Variants in GBE1 observed in about 807,000 individuals in gnomAD.
The protein encoded by GBE1 is 1,4-alpha-glucan-branching enzyme.
In GBE1, 70 loss-of-function variants were observed where a neutral mutation model predicts 88.8. That is an observed-to-expected ratio of 0.79 (90% confidence interval 0.65 to 0.96). The LOEUF is 0.96. Among genes scored for constraint, GBE1 ranks in the 40% least tolerant of loss-of-function variants. The pLI, the probability that GBE1 is intolerant of heterozygous loss-of-function variation, is 0.00. For missense variants in GBE1, 872 were observed against 871.0 expected (o/e 1.00, Z -0.01); for synonymous variants, 284 against 300.1 (o/e 0.95, Z 0.56).
intron 7 of GBE1, among the ~76,000 whole-genome samples, chr3:81,601,933 A>T (rs948189312): frequency 6.6e-6 from 1 of 152,236 alleles, no homozygotes; most frequent in Non-Finnish European, 1.5e-5. Flanking sequence ...ATGAACAGCA[A>T]ATACAAAGTA....
intron 3 of GBE1, among the ~76,000 whole-genome samples, chr3:81,656,205 C>A (rs1314831743): frequency 6.6e-6 from 1 of 152,100 alleles, no homozygotes; most frequent in African/African-American, 2.4e-5. Context: ...AAAAGAAGGT[C>A]TTTGCAGATG....
chr3:81,653,573 G>A (rs1440361512), intron 3 of GBE1, among the ~76,000 whole-genome samples: 1 of 152,022 alleles, frequency 6.6e-6, no homozygotes, highest in Non-Finnish European at 1.5e-5. Context: ...AAACAATCAA[G>A]ATATGTGCTC....
chr3:81,610,773 G>A (rs999562267), intron 7 of GBE1, among the ~76,000 whole-genome samples: 4 of 152,088 alleles, frequency 2.6e-5, no homozygotes, highest in Admixed American at 2.6e-4. Flanking sequence ...GGTCAGAGGT[G>A]ACCAGGGTGC....
chr3:81,572,432 T>C (rs1236485669), intron 12 of GBE1, among the ~76,000 whole-genome samples: 1 of 152,196 alleles, frequency 6.6e-6, no homozygotes, highest in African/African-American at 2.4e-5. Context: ...TTTCACAAAA[T>C]ACCATTTGTG....
At chr3:81,541,424 T>C (rs1478646827) in intron 12 of GBE1, among the ~76,000 whole-genome samples, 1 of 150,574 alleles carries the variant, frequency 6.6e-6, no homozygotes, top group African/African-American at 2.4e-5. Context: ...ATCTACAGCA[T>C]AAATAATGGT....
At position 81,507,664 on chromosome 3, in the gene GBE1, A is replaced by C. The variant is rs528175690; in HGVS notation, c.1935-8437T>G. ...AAATGCAACTTTTTTCTTTATACAT[A>C]TATGTGTGTGTGTATATATATATGT... On this transcript the variant is annotated intron_variant, in intron 14 of 15. Transcript: ENST00000429644. Among the ~76,000 whole-genome samples the C allele has an allele frequency of 8.9e-4, 132 of 148,784 alleles. 1 individual carries two copies. Among genetic ancestry groups the C allele is most frequent in the African/African-American group, 3.1e-3 (128 of 40,882 alleles).
At chr3:81,611,282 G>C (rs1187564226) in intron 7 of GBE1, among the ~76,000 whole-genome samples, 2 of 152,134 alleles carry the variant, frequency 1.3e-5, no homozygotes, top group Non-Finnish European at 2.9e-5. Flanking sequence ...AATATGAAAA[G>C]TCAGAACTCA....
chr3:81,590,034 G>C (rs1703856698), intron 9 of GBE1, among the ~76,000 whole-genome samples: 1 of 151,922 alleles, frequency 6.6e-6, no homozygotes, highest in African/African-American at 2.4e-5. Context: ...GGAATTTAGG[G>C]CTACTGCTTT....
intron 7 of GBE1, among the ~76,000 whole-genome samples, chr3:81,601,501 T>C (rs1704032090): frequency 6.6e-6 from 1 of 152,184 alleles, no homozygotes; most frequent in South Asian, 2.1e-4. Flanking sequence ...ATACTAGCTG[T>C]ATTAATCTTC....
intron 1 of GBE1, among the ~76,000 whole-genome samples, chr3:81,719,010 T>C (rs1384919494): frequency 6.6e-6 from 1 of 152,140 alleles, no homozygotes; most frequent in Non-Finnish European, 1.5e-5. Context: ...TACTTGTTAC[T>C]TAGCATGTCT....
At chr3:81,645,252 A>G (rs957250802) in intron 6 of GBE1, among the ~76,000 whole-genome samples, 2 of 152,162 alleles carry the variant, frequency 1.3e-5, no homozygotes, top group Non-Finnish European at 2.9e-5. Flanking sequence ...GGGACGTCCA[A>G]TATTTAGTGG....
intron 12 of GBE1, among the ~76,000 whole-genome samples, chr3:81,548,334 T>C (rs980369005): frequency 4.6e-5 from 7 of 151,526 alleles, no homozygotes; most frequent in Non-Finnish European, 5.9e-5. Context: ...TAAGAATTGG[T>C]TTTAACATTA....
chr3:81,520,724 T>C (rs1287904103), intron 14 of GBE1, among the ~76,000 whole-genome samples: 3 of 151,648 alleles, frequency 2.0e-5, no homozygotes, highest in Non-Finnish European at 4.4e-5. Context: ...TAAGTACATG[T>C]AGGTCTCAGC....
At chr3:81,619,299 A>T (rs1021283780) in intron 7 of GBE1, among the ~76,000 whole-genome samples, 1 of 152,134 alleles carries the variant, frequency 6.6e-6, no homozygotes, top group African/African-American at 2.4e-5. Context: ...AAATATATCT[A>T]CACATACATA....
chr3:81,718,767 G>C (rs556843134), intron 1 of GBE1, among the ~76,000 whole-genome samples: 1 of 152,146 alleles, frequency 6.6e-6, no homozygotes, highest in South Asian at 2.1e-4. Context: ...CTCCCTAATA[G>C]TTGGGATTAC....
At chr3:81,656,787 G>A (rs375925754) in intron 3 of GBE1, among the ~76,000 whole-genome samples, 89 of 152,194 alleles carry the variant, frequency 5.8e-4, no homozygotes, top group African/African-American at 2.0e-3. Context: ...AAGTCTCCTT[G>A]ACGATTCCCA....
intron 15 of GBE1, among the ~76,000 whole-genome samples, 180 bp from the exon 16 acceptor site, chr3:81,490,643 A>C (rs1428861193): frequency 6.6e-6 from 1 of 152,052 alleles, no homozygotes; most frequent in Non-Finnish European, 1.5e-5. Context: ...CAGCAACATG[A>C]CTACCATAAA....
chr3:81,617,464 T>C lies in GBE1; in HGVS notation c.993-23441A>G, dbSNP rs141731039. Among the ~76,000 whole-genome samples, 782 of 152,102 alleles carry C rather than the reference T, an allele frequency of 5.1e-3. 3 individuals are homozygous for C. The highest frequency in any genetic ancestry group is 8.5e-3 in the Non-Finnish European group (580 of 67,844). ...CAAATGGGTGTTTAATTTGGCAAAA[T>C]ACTTTTTCTTCATCAACTAATATAA... On this transcript the variant is annotated intron_variant, in intron 7 of 15. Coordinates refer to ENST00000429644, the MANE Select transcript of GBE1 (RefSeq NM_000158.4).
chr3:81,562,853 A>C, intron 12 of GBE1, among the ~76,000 whole-genome samples: 1 of 151,944 alleles, frequency 6.6e-6, no homozygotes, highest in Non-Finnish European at 1.5e-5. Context: ...CGGTATGTAT[A>C]GGTCACTTTC....
Sources: allele counts gnomAD v4.1 joint callset (sites outside exome capture counted in the v4.1 genomes callset), GRCh38; gene constraint gnomAD v4.1.1; transcripts MANE v1.5; gene names NCBI Gene and HGNC (gene_info 2026-07-23, HGNC 2026-07-21).